The following TPRG1 variants were observed in gnomAD, a reference collection of about 807,000 sequenced individuals.
The protein encoded by TPRG1 is tumor protein p63 regulated 1, also known as tumor protein p63-regulated gene 1 protein.
Under a neutral mutation model 29.3 loss-of-function variants are expected in TPRG1, and 29 were observed. That is an observed-to-expected ratio of 0.99 (90% CI 0.74 to 1.35). The LOEUF (loss-of-function observed/expected upper bound fraction) is 1.35. Among genes scored for constraint, TPRG1 ranks in the 40% most tolerant of loss-of-function variants. TPRG1 has a pLI of 0.00. For missense variants in TPRG1, 327 were observed against 335.0 expected (o/e 0.98, Z 0.19); for synonymous variants, 130 against 116.8 (o/e 1.11, Z -0.73).
intron 3 of TPRG1, among the ~76,000 whole-genome samples, chr3:189,008,022 A>G (rs1181783254): frequency 6.6e-6 from 1 of 151,128 alleles, no homozygotes; most frequent in Non-Finnish European, 1.5e-5. Context: ...CAATGTGCAC[A>G]TGTACCCTAA....
intron 3 of TPRG1, among the ~76,000 whole-genome samples, chr3:189,006,762 G>A (rs1712309337): frequency 6.6e-6 from 1 of 152,054 alleles, no homozygotes; most frequent in Non-Finnish European, 1.5e-5. Context: ...TCTAAGTCAG[G>A]GGTGAGCAAA....
intron 4 of TPRG1, among the ~76,000 whole-genome samples, chr3:189,037,584 C>T (rs1482569177): frequency 2.6e-5 from 4 of 151,642 alleles, no homozygotes; most frequent in Non-Finnish European, 4.4e-5. Context: ...AACATTATGT[C>T]GCCACTACTA....
chr3:189,034,042 T>C (rs1013196041), intron 4 of TPRG1, among the ~76,000 whole-genome samples: 2 of 152,220 alleles, frequency 1.3e-5, no homozygotes, highest in African/African-American at 4.8e-5. Flanking sequence ...ATGGTTTACG[T>C]GTAGCTATGT....
At chr3:189,291,665 A>G (rs1719020644) in intron 4 of TPRG1, among the ~76,000 whole-genome samples, 1 of 152,226 alleles carries the variant, frequency 6.6e-6, no homozygotes, top group Non-Finnish European at 1.5e-5. Flanking sequence ...ACAATTCTTA[A>G]TCTGAGAAGC....
rs555443560 is a variant in TPRG1 at position 189,184,632 on chromosome 3, A to G, written c.-10+12501A>G. 6.6e-5 allele frequency among the ~76,000 whole-genome samples: 10 copies of G among 152,308 alleles called. No homozygotes were observed. In the South Asian group the frequency reaches 2.1e-3, roughly 32 times the overall value. On this transcript the variant is annotated intron_variant, in intron 1 of 5. Coordinates refer to ENST00000345063, the MANE Select transcript of TPRG1 (RefSeq NM_198485.4). ...TTAAGATCAATCTCTCTAAAGGAACATTTAGCAAAGCTGTAGCTCTCTGCC... is the reference window on the plus strand; with the variant it reads ...TTAAGATCAATCTCTCTAAAGGAACGTTTAGCAAAGCTGTAGCTCTCTGCC...
At chr3:189,315,502 A>T (rs1723363533) in intron 5 of TPRG1, 1 of 456,002 alleles carries the variant, frequency 2.2e-6, no homozygotes. Context: ...GTATGCAGAG[A>T]CTACTGCTGG....
Position 189,070,479 on chromosome 3 carries a change from C to T in TPRG1, c.-463+46533C>T, listed in dbSNP as rs552996884. 6.6e-5 allele frequency among the ~76,000 whole-genome samples: 10 copies of T among 152,208 alleles called. No homozygotes were observed. The South Asian group carries it at 1.2e-3, about 19-fold the overall frequency. ...GGATATTTGATTACGATTGCCAGTTCGTATCAATGTCAATATCCTGATTGT... is the reference window on the plus strand; with the variant it reads ...GGATATTTGATTACGATTGCCAGTTTGTATCAATGTCAATATCCTGATTGT... On this transcript the variant is annotated intron_variant, in intron 4 of 10. Transcript: ENST00000433971.
At chr3:189,286,122 T>C (rs1718021382) in intron 4 of TPRG1, among the ~76,000 whole-genome samples, 1 of 152,096 alleles carries the variant, frequency 6.6e-6, no homozygotes, top group African/African-American at 2.4e-5. Context: ...AAAATGCTTC[T>C]GGTTTCAGCC....
chr3:189,194,418 G>C (rs775441120), intron 1 of TPRG1, among the ~76,000 whole-genome samples: 2 of 152,188 alleles, frequency 1.3e-5, no homozygotes, highest in African/African-American at 2.4e-5. Context: ...AGCAGCTGTG[G>C]TGCAAAGGTC....
At chr3:189,220,692 G>A (rs1360087755) in intron 3 of TPRG1, among the ~76,000 whole-genome samples, 3 of 152,132 alleles carry the variant, frequency 2.0e-5, no homozygotes, top group African/African-American at 7.2e-5. Flanking sequence ...GGGGTATTTG[G>A]TTTTCTGTTC....
At chr3:189,009,413 T>C (rs1322329778) in intron 3 of TPRG1, among the ~76,000 whole-genome samples, 2 of 151,652 alleles carry the variant, frequency 1.3e-5, no homozygotes, top group Non-Finnish European at 2.9e-5. Context: ...GACCAAGGAG[T>C]AGGATGAGAA....
intron 5 of TPRG1, among the ~76,000 whole-genome samples, chr3:189,163,350 T>C (rs906236197): frequency 6.6e-6 from 1 of 152,216 alleles, no homozygotes; most frequent in Non-Finnish European, 1.5e-5. Context: ...CATTGATTCA[T>C]CTTGATAACA....
chr3:189,035,238 G>T (rs537895649), intron 4 of TPRG1, among the ~76,000 whole-genome samples: 8 of 151,916 alleles, frequency 5.3e-5, no homozygotes. Flanking sequence ...AGTCATATGC[G>T]GAAGATTGAA....
intron 4 of TPRG1, among the ~76,000 whole-genome samples, chr3:189,250,331 C>T (rs772802536): frequency 5.3e-5 from 8 of 152,028 alleles, no homozygotes; most frequent in Non-Finnish European, 7.4e-5. Context: ...AGAGGAATCC[C>T]GGGTTCTAGT....
chr3:189,299,926 T>C (rs967527084), intron 4 of TPRG1, among the ~76,000 whole-genome samples: 8 of 152,208 alleles, frequency 5.3e-5, no homozygotes, highest in Admixed American at 4.6e-4. Context: ...CAAAAGGTTG[T>C]GTATCTGGCT....
chr3:189,094,969 C>G (rs1560440538), intron 4 of TPRG1, among the ~76,000 whole-genome samples: 1 of 152,172 alleles, frequency 6.6e-6, no homozygotes, highest in Non-Finnish European at 1.5e-5. Context: ...CAGAGGCACT[C>G]TCCGTTCTGG....
chr3:189,227,643 T>C (rs1418226905), intron 3 of TPRG1, among the ~76,000 whole-genome samples: 1 of 152,206 alleles, frequency 6.6e-6, no homozygotes, highest in East Asian at 1.9e-4. Context: ...AATGCAATCA[T>C]TGTAAATTTG....
intron 3 of TPRG1, among the ~76,000 whole-genome samples, chr3:189,238,515 A>G (rs945527006): frequency 6.6e-6 from 1 of 152,118 alleles, no homozygotes; most frequent in East Asian, 1.9e-4. Context: ...GAGTTCTGGG[A>G]TGATAAAATA....
intron 4 of TPRG1, among the ~76,000 whole-genome samples, chr3:189,270,535 T>G (rs917400272): frequency 6.6e-6 from 1 of 152,162 alleles, no homozygotes; most frequent in Non-Finnish European, 1.5e-5. Flanking sequence ...CCCACGCCAG[T>G]GAGGCATGCA....
Sources: allele counts gnomAD v4.1 joint callset (sites outside exome capture counted in the v4.1 genomes callset), GRCh38; gene constraint gnomAD v4.1.1; transcripts MANE v1.5; gene names NCBI Gene and HGNC (gene_info 2026-07-23, HGNC 2026-07-21).